Variants in GLI3 observed in about 807,000 individuals in gnomAD.
GLI3 encodes transcription activator GLI3.
GLI3 carries 20 observed loss-of-function variants against 100.8 expected under a neutral mutation model. The ratio of observed to expected loss-of-function variants is 0.20; its 90% CI spans 0.14 to 0.29. GLI3 has a LOEUF of 0.29. GLI3 is among the 10% of genes least tolerant of loss of function. The pLI is 1.00. For synonymous variants in GLI3, 938 were observed against 860.5 expected (o/e 1.09, Z -1.58); for missense variants, 2,040 against 2,128.5 (o/e 0.96, Z 0.82).
intron 1 of GLI3, among the ~76,000 whole-genome samples, chr7:42,260,915 T>C (rs1789131023): frequency 2.6e-5 from 4 of 152,202 alleles, no homozygotes; most frequent in Admixed American, 2.6e-4. Flanking sequence ...GTGCTATTTA[T>C]ATATTCACAA....
At position 42,038,336 on chromosome 7, in the gene GLI3, C is replaced by A. The variant is rs147261662; in HGVS notation, c.1028+1702G>T. Among the ~76,000 whole-genome samples, 3 of 152,344 alleles carry A rather than the reference C, an allele frequency of 2.0e-5. No homozygotes were observed. In the South Asian group the frequency reaches 6.2e-4, roughly 32 times the overall value. ...ATGAACCATCCCAGCTCAGCTCCCCCTGAAACTTCACCCCAGGTAGGAATC... is the reference window on the plus strand; with the variant it reads ...ATGAACCATCCCAGCTCAGCTCCCCATGAAACTTCACCCCAGGTAGGAATC... On this transcript the variant is annotated intron_variant, in intron 7 of 14. Coordinates refer to ENST00000395925, the MANE Select transcript of GLI3 (RefSeq NM_000168.6).
chr7:41,967,859 T>C lies in GLI3; in HGVS notation c.2168A>G (p.Tyr723Cys). The C allele has an allele frequency of 1.9e-6, 3 of 1,614,102 alleles. No individual in the cohort carries two copies. The highest frequency in any genetic ancestry group is 4.5e-5 in the East Asian group (2 of 44,868). Residue 723 changes from tyrosine (Y) to cysteine (C), a missense_variant, in exon 14 of 15, where the codon TAT becomes TGT. Around this residue, in one of 5 missense-constraint regions of GLI3, gnomAD observed 327 missense variants for 338.7 expected, o/e 0.97. Coordinates refer to ENST00000395925, the MANE Select transcript of GLI3 (RefSeq NM_000168.6). Reference protein sequence around the residue: ...CSSQQSPISNYSNSGLELPLT... With the variant: ...CSSQQSPISNCSNSGLELPLT... ...AGGAAGCTCGAGCCCACTGTTGGAA[T>C]AGTTGCTGATGGGGGACTGTTGGCT...
chr7:42,188,868 G>T (rs1272306228), intron 2 of GLI3, among the ~76,000 whole-genome samples: 2 of 152,202 alleles, frequency 1.3e-5, no homozygotes, highest in Admixed American at 6.5e-5. Context: ...GAGCACAGGG[G>T]ATTTTGAAGG....
chr7:41,976,659 A>T (rs928276145), intron 12 of GLI3, among the ~76,000 whole-genome samples: 1 of 152,190 alleles, frequency 6.6e-6, no homozygotes. Context: ...AAGCAAACTG[A>T]TGACACGCTG....
At position 42,128,060 on chromosome 7, in the gene GLI3, T is replaced by A. The variant is rs1018551327; in HGVS notation, c.367+20166A>T. 3.3e-5 allele frequency among the ~76,000 whole-genome samples: 5 copies of A among 150,660 alleles called. No homozygotes were observed. The South Asian group carries it at 1.1e-3, about 32-fold the overall frequency. ...AAAAGAAAAAAGGAAGGAAACAAATTTAAAACAGGGTGCCAATCAAGTATC... is the reference window on the plus strand; with the variant it reads ...AAAAGAAAAAAGGAAGGAAACAAATATAAAACAGGGTGCCAATCAAGTATC... On this transcript the variant is annotated intron_variant, in intron 3 of 14. Coordinates refer to ENST00000395925, the MANE Select transcript of GLI3 (RefSeq NM_000168.6).
At chr7:42,158,621 C>G (rs1010235022) in intron 2 of GLI3, among the ~76,000 whole-genome samples, 2 of 152,014 alleles carry the variant, frequency 1.3e-5, no homozygotes, top group Admixed American at 6.6e-5. Flanking sequence ...TCCTGAGTAG[C>G]ATGAGAGAGA....
chr7:41,967,555 A>G (rs1787219248), intron 14 of GLI3, 41 bp downstream of exon 14: 2 of 1,454,140 alleles, frequency 1.4e-6, no homozygotes, highest in East Asian at 4.5e-5. Context: ...AGAACAGAAA[A>G]AAAAACCCTG....
chr7:42,250,801 C>T (rs908746850), intron 1 of GLI3, among the ~76,000 whole-genome samples: 3 of 152,092 alleles, frequency 2.0e-5, no homozygotes, highest in Admixed American at 6.5e-5. Flanking sequence ...TAAAGGCCAG[C>T]GGGGAGTTGG....
intron 7 of GLI3, among the ~76,000 whole-genome samples, chr7:42,031,300 A>T (rs559894213): frequency 6.6e-6 from 1 of 152,376 alleles, no homozygotes; most frequent in Non-Finnish European, 1.5e-5. Flanking sequence ...AAACATTTAT[A>T]AAAATGTGAC....
intron 4 of GLI3, among the ~76,000 whole-genome samples, chr7:42,068,988 A>T (rs1304181952): frequency 6.6e-6 from 1 of 152,198 alleles, no homozygotes; most frequent in Admixed American, 6.5e-5. Context: ...ACATGAGTGG[A>T]AGCATTGTAC....
chr7:41,990,557 A>G (rs1366132870), intron 10 of GLI3, among the ~76,000 whole-genome samples: 1 of 152,240 alleles, frequency 6.6e-6, no homozygotes, highest in Non-Finnish European at 1.5e-5. Flanking sequence ...AAGTTTAGAA[A>G]TTCTGATATA....
At chr7:42,048,089 G>A (rs554259225) in intron 5 of GLI3, among the ~76,000 whole-genome samples, 52 of 152,284 alleles carry the variant, frequency 3.4e-4, no homozygotes, top group Non-Finnish European at 5.0e-4. Flanking sequence ...ATCAGAAGGT[G>A]AGTAAAACAC....
At chr7:42,128,146 AG>A (rs1225190605) in intron 3 of GLI3, among the ~76,000 whole-genome samples, 1 of 152,222 alleles carries the variant, frequency 6.6e-6, no homozygotes, top group African/African-American at 2.4e-5. Context: ...ATATATAGGA[AG>A]ATGTTTGGAG....
chr7:41,977,411 A>G (rs1787539245), intron 12 of GLI3, 147 bp downstream of exon 12: 1 of 803,996 alleles, frequency 1.2e-6, no homozygotes, highest in East Asian at 2.7e-5. Flanking sequence ...TAGGAAGCTC[A>G]AGCCTTCACC....
intron 2 of GLI3, among the ~76,000 whole-genome samples, chr7:42,186,359 GT>G (rs1787715938): frequency 6.6e-6 from 1 of 152,162 alleles, no homozygotes; most frequent in African/African-American, 2.4e-5. Flanking sequence ...AGCACCCCTA[GT>G]GGCCAGCACC....
intron 3 of GLI3, among the ~76,000 whole-genome samples, chr7:42,078,325 T>G (rs907073923): frequency 1.3e-5 from 2 of 152,226 alleles, no homozygotes; most frequent in Non-Finnish European, 2.9e-5. Context: ...TTTTTAAAGT[T>G]ATAGTACATT....
At chr7:42,003,125 G>A (rs1447179512) in intron 10 of GLI3, among the ~76,000 whole-genome samples, 2 of 152,118 alleles carry the variant, frequency 1.3e-5, no homozygotes, top group Admixed American at 1.3e-4. Context: ...CATTTGTTGA[G>A]CAATAAGGAA....
At chr7:41,994,968 T>C (rs1256476036) in intron 10 of GLI3, among the ~76,000 whole-genome samples, 1 of 152,206 alleles carries the variant, frequency 6.6e-6, no homozygotes, top group Admixed American at 6.5e-5. Flanking sequence ...TGGTTAAAAG[T>C]TTATGAATTT....
At chr7:42,070,327 G>C (rs1784760169) in intron 4 of GLI3, among the ~76,000 whole-genome samples, 1 of 152,152 alleles carries the variant, frequency 6.6e-6, no homozygotes, top group Non-Finnish European at 1.5e-5. Context: ...TTTCCACCTT[G>C]GGAATTTGCA....
Sources: gnomAD v4.1 joint callset for allele counts (sites outside exome capture counted in the v4.1 genomes callset) on GRCh38, gnomAD v4.1.1 for gene constraint, gnomAD v4.1.1 regional missense constraint, MANE v1.5 for transcripts, NCBI Gene and HGNC (gene_info 2026-07-23, HGNC 2026-07-21) for gene names.